The following FGD4 variants were observed in gnomAD, a reference collection of about 807,000 sequenced individuals.
The protein encoded by FGD4 is FYVE, RhoGEF and PH domain containing 4, also known as FYVE, RhoGEF and PH domain-containing protein 4.
In FGD4, 42 loss-of-function variants were observed where a neutral mutation model predicts 102.0. That is an observed-to-expected ratio of 0.41 (90% CI 0.32 to 0.53). The LOEUF (loss-of-function observed/expected upper bound fraction) is 0.53, where lower values mean the gene tolerates loss of function less well. FGD4 is among the 20% of genes least tolerant of loss of function. The pLI is 0.21. For synonymous variants in FGD4, 380 were observed against 375.7 expected (o/e 1.01, Z -0.13); for missense variants, 902 against 1,078.2 (o/e 0.84, Z 2.29).
rs188848109 is a variant in FGD4, at chr12:32,470,697, G to A, written c.166+70738G>A. ...TCGAACTCCTGACCTCAGGTAATCC[G>A]GCCTCCTCAGCCTCCCAAAGTGCTG... On this transcript the variant is annotated intron_variant, in intron 1 of 16. Transcript: ENST00000534526. Among the ~76,000 whole-genome samples, 365 of 151,920 alleles carry A rather than the reference G, an allele frequency of 2.4e-3. 3 individuals carry two copies. Among genetic ancestry groups the A allele is most frequent in the Non-Finnish European group, 1.7e-3 (118 of 67,920 alleles).
At chr12:32,534,517 T>C (rs1219464568) in intron 1 of FGD4, 9 of 1,435,708 alleles carry the variant, frequency 6.3e-6, no homozygotes, top group African/African-American at 1.4e-5. Flanking sequence ...TTTCATTTTC[T>C]AGTAGATATA....
chr12:32,619,988 G>A (rs1340955564), intron 11 of FGD4, 118 bp downstream of exon 11: 3 of 1,239,714 alleles, frequency 2.4e-6, no homozygotes, highest in Admixed American at 1.8e-5. Context: ...TGGAACTCTG[G>A]TTGGATGTAA....
At chr12:32,619,173 A>T (rs769961477) in intron 10 of FGD4, among the ~76,000 whole-genome samples, 5 of 152,242 alleles carry the variant, frequency 3.3e-5, no homozygotes, top group Non-Finnish European at 7.3e-5. Context: ...TCAATAAAAT[A>T]TGTATAAGCC....
At chr12:32,602,138 T>G in intron 6 of FGD4, 23 bp from the exon 7 acceptor site, 1 of 1,612,608 alleles carries the variant, frequency 6.2e-7, no homozygotes, top group Non-Finnish European at 8.5e-7. Context: ...TTTTAAAGAC[T>G]TGTTTTTCTA....
chr12:32,417,130 G>A (rs571643812), intron 1 of FGD4, among the ~76,000 whole-genome samples: 4 of 151,980 alleles, frequency 2.6e-5, no homozygotes, highest in South Asian at 2.1e-4. Context: ...GCCTGACCTC[G>A]TGATCCACCC....
chr12:32,582,584 T>C (rs1946705182), intron 4 of FGD4, 117 bp downstream of exon 4: 1 of 1,354,988 alleles, frequency 7.4e-7, no homozygotes, highest in Non-Finnish European at 1.0e-6. Flanking sequence ...ACACTGGCAG[T>C]TAAACGATTT....
At chr12:32,595,017 C>T (rs1416354531) in intron 4 of FGD4, among the ~76,000 whole-genome samples, 3 of 134,258 alleles carry the variant, frequency 2.2e-5, no homozygotes, top group East Asian at 2.1e-4. Flanking sequence ...GGTGACAGAG[C>T]GAGACTCCGT....
chr12:32,426,408 T>C (rs984437622), intron 1 of FGD4, among the ~76,000 whole-genome samples: 2 of 152,224 alleles, frequency 1.3e-5, no homozygotes, highest in Admixed American at 1.3e-4. Context: ...ATCCCAGGGA[T>C]GAAGCCGATT....
intron 1 of FGD4, among the ~76,000 whole-genome samples, chr12:32,467,487 CTA>C (rs1943291887): frequency 6.6e-6 from 1 of 152,166 alleles, no homozygotes; most frequent in South Asian, 2.1e-4. Flanking sequence ...TAATTAAAGT[CTA>C]TATAGCAGCT....
rs569916609 is a variant in FGD4 at position 32,551,434 on chromosome 12, C to T, written c.167-12703C>T. Among the ~76,000 whole-genome samples the T allele has an allele frequency of 6.9e-4, 105 of 152,226 alleles. 1 individual carries two copies. The highest frequency in any genetic ancestry group is 2.4e-3 in the African/African-American group (99 of 41,516). ...ATCCTCACAGCAACCTAGGTGGATA[C>T]TATTATGAATCCTATGAATTTTCAT... On this transcript the variant is annotated intron_variant, in intron 1 of 16. Transcript: ENST00000534526.
chr12:32,632,046 G>A (rs1202400134), intron 14 of FGD4, among the ~76,000 whole-genome samples: 2 of 152,030 alleles, frequency 1.3e-5, no homozygotes, highest in Non-Finnish European at 2.9e-5. Context: ...GCAAACAGTA[G>A]ACCATTTTTA....
chr12:32,464,624 G>A (rs949738621), intron 1 of FGD4, among the ~76,000 whole-genome samples: 1 of 152,224 alleles, frequency 6.6e-6, no homozygotes, highest in Non-Finnish European at 1.5e-5. Context: ...GAGCTTCTAT[G>A]TACTAGGTAG....
chr12:32,607,866 T>A lies in FGD4; in HGVS notation c.1405-91T>A. 4 of 1,417,644 alleles carry A rather than the reference T, an allele frequency of 2.8e-6. No individual in the cohort carries two copies. The South Asian group carries it at 3.5e-5, about 12-fold the overall frequency. 87.8% of individuals were successfully genotyped at this position (1,417,644 alleles called of 1,614,324 possible). On this transcript the variant is annotated intron_variant, in intron 7 of 16. Transcript: ENST00000534526. The stretch of plus-strand genomic sequence containing the variant: ...GACAGTCACACTTTGTCGAAAAATA[T>A]TGCCCTTGACGAAAGTTCTGTTTTA...
rs976002678 is a variant in FGD4 at position 32,449,657 on chromosome 12, C to G, written c.166+49698C>G. ...ATCACTTGATTAAGGTGGTGTCTGC[C>G]TGGCTTCTCCAGTGTGAAATTTCTT... On this transcript the variant is annotated intron_variant, in intron 1 of 16. Transcript: ENST00000534526. Among the ~76,000 whole-genome samples, 8 of 152,174 alleles carry G rather than the reference C, an allele frequency of 5.3e-5. No homozygotes were observed. In the South Asian group the frequency reaches 1.2e-3, roughly 24 times the overall value.
In FGD4 at chr12:32,622,119, A is replaced by G. The variant is rs111421982; in HGVS notation, c.1922+2249A>G. Among the ~76,000 whole-genome samples, 360 of 152,306 alleles carry G rather than the reference A, an allele frequency of 2.4e-3. 2 individuals carry two copies. Among genetic ancestry groups the G allele is most frequent in the African/African-American group, 8.1e-3 (337 of 41,570 alleles). On this transcript the variant is annotated intron_variant, in intron 11 of 16. Transcript: ENST00000534526. The stretch of plus-strand genomic sequence containing the variant: ...GCCAGGCTAGTCTTGAACTGACCTC[A>G]GGTGATCCACCCGCCTTGGCCTTCC...
chr12:32,594,991 A>G (rs893546539), intron 4 of FGD4, among the ~76,000 whole-genome samples: 1 of 150,844 alleles, frequency 6.6e-6, no homozygotes, highest in Non-Finnish European at 1.5e-5. Context: ...AGATCACGCC[A>G]CTGCACTTCA....
intron 1 of FGD4, among the ~76,000 whole-genome samples, chr12:32,498,259 T>C: frequency 6.6e-6 from 1 of 152,232 alleles, no homozygotes; most frequent in South Asian, 2.1e-4. Flanking sequence ...TGGCAACATC[T>C]ATCAAATACT....
At chr12:32,602,140 G>C in intron 6 of FGD4, 21 bp from the exon 7 acceptor site, 1 of 1,612,616 alleles carries the variant, frequency 6.2e-7, no homozygotes, top group Non-Finnish European at 8.5e-7. Flanking sequence ...TTAAAGACTT[G>C]TTTTTCTATA....
Position 32,399,840 on chromosome 12 carries a change from G to A in FGD4, c.47G>A (p.Arg16Gln), listed in dbSNP as rs374124835. ...GSNFRRVAIR[R>Q]KSNPSYLPPG... Reference sequence around the variant, plus strand: ...AACTTCAGGCGGGTGGCGATCCGGCGGAAGTCCAACCCCTCCTACCTGCCG... The same window carrying A: ...AACTTCAGGCGGGTGGCGATCCGGCAGAAGTCCAACCCCTCCTACCTGCCG... The change falls in exon 1 of 17, where the codon CGG becomes CAG. Residue 16 changes from arginine (R) to glutamine (Q), a missense_variant. Coordinates refer to ENST00000534526, the MANE Select transcript of FGD4 (RefSeq NM_001370298.3). The A allele has an allele frequency of 1.2e-3, 1,836 of 1,531,634 alleles. 17 individuals carry two copies. The African/African-American group carries it at 0.022, about 19-fold the overall frequency. The allele number at this position is 1,531,634 out of a possible 1,614,324, so 94.9% of individuals were successfully genotyped here. A position where few individuals can be genotyped will look rare whatever the true frequency, so the allele number is the denominator to read the frequency against.
Sources: allele counts gnomAD v4.1 joint callset (sites outside exome capture counted in the v4.1 genomes callset), GRCh38; gene constraint gnomAD v4.1.1; transcripts MANE v1.5; gene names NCBI Gene and HGNC (gene_info 2026-07-23, HGNC 2026-07-21).